ERBB4: variants seen among roughly 807,000 people sequenced by gnomAD.
The protein encoded by ERBB4 is receptor tyrosine-protein kinase erbB-4.
ERBB4 carries 42 observed loss-of-function variants against 158.0 expected under a neutral mutation model. The observed-to-expected ratio is 0.27, with a 90% CI of 0.21 to 0.34. The LOEUF (loss-of-function observed/expected upper bound fraction) is 0.34. ERBB4 is among the 10% of genes least tolerant of loss of function. The pLI, the probability that ERBB4 is intolerant of heterozygous loss-of-function variation, is 1.00. For synonymous variants in ERBB4, 583 were observed against 558.7 expected (o/e 1.04, Z -0.61); for missense variants, 1,333 against 1,624.1 (o/e 0.82, Z 3.08).
At chr2:211,763,057 G>A (rs879883562) in intron 4 of ERBB4, among the ~76,000 whole-genome samples, 2 of 151,810 alleles carry the variant, frequency 1.3e-5, no homozygotes, top group Non-Finnish European at 1.5e-5. Context: ...TGTGTGTGGT[G>A]TGTGTGTGTG....
chr2:211,950,715 A>G (rs921002960), intron 2 of ERBB4, among the ~76,000 whole-genome samples: 31 of 152,282 alleles, frequency 2.0e-4, no homozygotes, highest in African/African-American at 7.0e-4. Context: ...CTAAGCCACT[A>G]TGAGTATTCC....
At chr2:211,670,265 A>G (rs1191626932) in intron 14 of ERBB4, among the ~76,000 whole-genome samples, 2 of 152,190 alleles carry the variant, frequency 1.3e-5, no homozygotes, top group African/African-American at 4.8e-5. Context: ...GAAAGAAACC[A>G]AACCATAGTG....
At chr2:212,139,040 C>T (rs2080360663) in intron 1 of ERBB4, among the ~76,000 whole-genome samples, 1 of 152,042 alleles carries the variant, frequency 6.6e-6, no homozygotes, top group African/African-American at 2.4e-5. Context: ...AGTGTTTTCC[C>T]ATAAAGTTTC....
chr2:211,989,482 T>C (rs1275990907), intron 2 of ERBB4, among the ~76,000 whole-genome samples: 11 of 151,930 alleles, frequency 7.2e-5, no homozygotes, highest in Non-Finnish European at 1.5e-4. Flanking sequence ...ATAATATTCT[T>C]AAAATAAATT....
chr2:212,205,307 C>T (rs747418901), intron 1 of ERBB4, among the ~76,000 whole-genome samples: 14 of 151,944 alleles, frequency 9.2e-5, no homozygotes, highest in African/African-American at 2.2e-4. Flanking sequence ...ATTGCAGGTG[C>T]GTGCCACCAC....
At chr2:211,515,896 T>TTTTATATATATATATATA (rs1394844699) in intron 20 of ERBB4, among the ~76,000 whole-genome samples, 19 of 88,920 alleles carry the variant, frequency 2.1e-4, no homozygotes, top group African/African-American at 6.8e-4. Context: ...AAAACATATA[T>TTTTATATATATATATATA]TATATATATA....
chr2:212,519,827 A>G (rs1692052841), intron 1 of ERBB4, among the ~76,000 whole-genome samples: 1 of 151,912 alleles, frequency 6.6e-6, no homozygotes, highest in African/African-American at 2.4e-5. Context: ...ATAGCTAGAT[A>G]GGAATAAAGT....
At chr2:211,609,321 C>T (rs2069102929) in intron 19 of ERBB4, among the ~76,000 whole-genome samples, 1 of 152,096 alleles carries the variant, frequency 6.6e-6, no homozygotes, top group South Asian at 2.1e-4. Flanking sequence ...GAGGGCCCTG[C>T]CCCCACACCC....
intron 3 of ERBB4, among the ~76,000 whole-genome samples, chr2:211,911,259 T>A (rs2125055122): frequency 6.6e-6 from 1 of 152,300 alleles, no homozygotes; most frequent in South Asian, 2.1e-4. Flanking sequence ...TTCATTCTGC[T>A]ACTTTTCATA....
chr2:212,252,939 T>C (rs2084592827), intron 1 of ERBB4, among the ~76,000 whole-genome samples: 2 of 152,170 alleles, frequency 1.3e-5, no homozygotes, highest in Admixed American at 1.3e-4. Flanking sequence ...AAAGATACAT[T>C]ACAATGAGTG....
intron 4 of ERBB4, among the ~76,000 whole-genome samples, chr2:211,765,072 G>A (rs1486558042): frequency 6.6e-6 from 1 of 152,202 alleles, no homozygotes; most frequent in Non-Finnish European, 1.5e-5. Flanking sequence ...ATGGAAAAAG[G>A]TGCCCCTCCC....
rs2125782980 is a variant in ERBB4, at chr2:211,586,461, G to A, written c.2302-24373C>T. Among the ~76,000 whole-genome samples, 4 of 152,250 alleles carry A rather than the reference G, an allele frequency of 2.6e-5. No individual in the cohort carries two copies. In the Middle Eastern group the frequency reaches 0.014, roughly 518 times the overall value. On this transcript the variant is annotated intron_variant, in intron 19 of 27. Coordinates refer to ENST00000342788, the MANE Select transcript of ERBB4 (RefSeq NM_005235.3). Reference sequence around the variant, plus strand: ...AAGTACCCTGGAAGTATTTTTTAAAGTTAGATATTGATCTGGTCAGCAAGT... The same window carrying A: ...AAGTACCCTGGAAGTATTTTTTAAAATTAGATATTGATCTGGTCAGCAAGT...
intron 2 of ERBB4, among the ~76,000 whole-genome samples, chr2:212,071,662 G>C (rs2078122947): frequency 6.6e-6 from 1 of 151,966 alleles, no homozygotes; most frequent in African/African-American, 2.4e-5. Context: ...AACAACAGAT[G>C]TACAAAGTAT....
At chr2:211,828,686 T>C (rs1180568430) in intron 3 of ERBB4, among the ~76,000 whole-genome samples, 2 of 152,128 alleles carry the variant, frequency 1.3e-5, no homozygotes, top group African/African-American at 2.4e-5. Context: ...CCCACAGAAA[T>C]GTCTGGTTCA....
At chr2:211,625,673 A>T (rs2069815847) in intron 17 of ERBB4, among the ~76,000 whole-genome samples, 3 of 152,192 alleles carry the variant, frequency 2.0e-5, no homozygotes, top group Admixed American at 6.5e-5. Context: ...AGTTCCCTTC[A>T]TTTGAAGGCA....
intron 2 of ERBB4, among the ~76,000 whole-genome samples, chr2:211,964,632 A>C (rs1402728886): frequency 6.6e-6 from 1 of 152,176 alleles, no homozygotes; most frequent in African/African-American, 2.4e-5. Context: ...AATCTGATAT[A>C]ATCTCTACTA....
In ERBB4 at chr2:211,383,690, G is replaced by A. The variant is rs747549700; in HGVS notation, c.3852C>T (p.Tyr1284=). ...IRPIVAENPE[Y]LSEFSLKPGT... ...CTGGCTTCAGGGAGAACTCAGAGAG[G>A]TATTCAGGATTCTCTGCCACAATAG... is the stretch of plus-strand genomic sequence containing the variant. Residue 1284 remains tyrosine (Y), a synonymous_variant, in exon 28 of 28, where the codon TAC becomes TAT. Coordinates refer to ENST00000342788, the MANE Select transcript of ERBB4 (RefSeq NM_005235.3). 1.2e-6 allele frequency: 2 copies of A among 1,613,968 alleles called. No individual in the cohort carries two copies. The highest frequency in any genetic ancestry group is 2.2e-5 in the South Asian group (2 of 91,080).
intron 14 of ERBB4, among the ~76,000 whole-genome samples, chr2:211,671,916 C>T (rs551804670): frequency 1.7e-4 from 26 of 152,250 alleles, no homozygotes; most frequent in African/African-American, 6.0e-4. Context: ...AAGAAAATAG[C>T]TGCAAATGCC....
rs1559446183 is a variant in ERBB4 at position 211,712,041 on chromosome 2, AAT to A, written c.1124+7_1124+8del. 1 of 1,609,698 alleles carries A rather than the reference AAT, an allele frequency of 6.2e-7. No individual in the cohort carries two copies. Among genetic ancestry groups the A allele is most frequent in the East Asian group, 2.2e-5 (1 of 44,784 alleles). On this transcript the variant is annotated splice_region_variant and intron_variant, in intron 9 of 27. Transcript: ENST00000342788. Reference sequence around the variant, plus strand: ...TGTAAAATAACTTGCACAAAAATTTAATACTGACCCATGAATACCAGTGACTA... The same window carrying A: ...TGTAAAATAACTTGCACAAAAATTTAACTGACCCATGAATACCAGTGACTA...
Sources: gnomAD v4.1 joint callset for allele counts (sites outside exome capture counted in the v4.1 genomes callset) on GRCh38, gnomAD v4.1.1 for gene constraint, MANE v1.5 for transcripts, NCBI Gene and HGNC (gene_info 2026-07-23, HGNC 2026-07-21) for gene names.